The following ARHGAP26 variants were observed in gnomAD, a reference collection of about 807,000 sequenced individuals.
ARHGAP26 encodes the protein Rho GTPase activating protein 26.
A neutral mutation model predicts 104.8 loss-of-function variants in ARHGAP26; 38 were observed. That is an observed-to-expected ratio of 0.36 (90% CI 0.28 to 0.48). ARHGAP26 has a LOEUF of 0.48. ARHGAP26 is among the 20% of genes least tolerant of loss of function. ARHGAP26 has a pLI of 0.99. For missense variants in ARHGAP26, 704 were observed against 947.9 expected, an observed-to-expected ratio of 0.74 and a Z score of 3.38; for synonymous variants, 341 against 340.0, an observed-to-expected ratio of 1.00 and a Z score of -0.03.
At position 142,907,791 on chromosome 5, in the gene ARHGAP26, C is replaced by T; in HGVS notation, c.920C>T (p.Ser307Leu). 6.2e-7 allele frequency: 1 copy of T among 1,609,262 alleles called. No individual in the cohort carries two copies. The highest frequency in any genetic ancestry group is 8.5e-7 in the Non-Finnish European group (1 of 1,176,840). Reference sequence around the variant, plus strand: ...ACCATGGTACCATTTGACCAAAAGTCAGGAGGAAAAGGGGTGAGTTCATTT... The same window carrying T: ...ACCATGGTACCATTTGACCAAAAGTTAGGAGGAAAAGGGGTGAGTTCATTT... ...QITMVPFDQK[S>L]GGKGGEDESV... The change falls in exon 9 of 23, where the codon TCA (serine) becomes TTA (leucine). Residue 307 changes from serine (S) to leucine (L), a missense_variant. Coordinates refer to ENST00000645722, the MANE Select transcript of ARHGAP26 (RefSeq NM_001135608.3).
At chr5:142,775,225 T>C (rs1285063175) in intron 1 of ARHGAP26, among the ~76,000 whole-genome samples, 1 of 152,210 alleles carries the variant, frequency 6.6e-6, no homozygotes, top group Non-Finnish European at 1.5e-5. Context: ...TCACCAGCAA[T>C]GAATGAGAGT....
In ARHGAP26 at chr5:142,993,211, G is replaced by A. The variant is rs571397860; in HGVS notation, c.1108-20869G>A. Among the ~76,000 whole-genome samples the A allele has an allele frequency of 1.4e-3, 192 of 141,184 alleles. 1 individual carries two copies. The highest frequency in any genetic ancestry group is 4.6e-3 in the African/African-American group (177 of 38,066). The allele number at this position is 141,184 out of a possible 152,430, so 92.6% of individuals were successfully genotyped here. A position where few individuals can be genotyped will look rare whatever the true frequency, so the allele number is the denominator to read the frequency against. Reference sequence around the variant, plus strand: ...GGAGTCTCGCTCTGTCGCCCAGGCCGGACTGCGGACTGCAGTGGCGCAATC... The same window carrying A: ...GGAGTCTCGCTCTGTCGCCCAGGCCAGACTGCGGACTGCAGTGGCGCAATC... On this transcript the variant is annotated intron_variant, in intron 11 of 22. Coordinates refer to ENST00000645722, the MANE Select transcript of ARHGAP26 (RefSeq NM_001135608.3).
chr5:143,135,061 A>G (rs934067630), intron 19 of ARHGAP26, among the ~76,000 whole-genome samples: 9 of 152,236 alleles, frequency 5.9e-5, no homozygotes, highest in African/African-American at 2.2e-4. Flanking sequence ...TGAGTAAGGA[A>G]GGTAGACAAG....
At chr5:143,140,733 A>G (rs1599196883) in intron 19 of ARHGAP26, among the ~76,000 whole-genome samples, 1 of 138,606 alleles carries the variant, frequency 7.2e-6, no homozygotes, top group African/African-American at 2.6e-5. Context: ...CACATTGTAC[A>G]GTGTCGGTGG....
At chr5:142,812,705 T>C (rs1049497866) in intron 1 of ARHGAP26, among the ~76,000 whole-genome samples, 3 of 151,960 alleles carry the variant, frequency 2.0e-5, no homozygotes, top group African/African-American at 7.3e-5. Context: ...TCCAGCTAAT[T>C]AAAAAAAATT....
At chr5:143,104,315 G>C (rs918745228) in intron 17 of ARHGAP26, among the ~76,000 whole-genome samples, 1 of 152,094 alleles carries the variant, frequency 6.6e-6, no homozygotes, top group Non-Finnish European at 1.5e-5. Context: ...TTTGAGACCA[G>C]CCTGACCAAC....
At chr5:143,205,325 A>G (rs1411199198) in intron 20 of ARHGAP26, among the ~76,000 whole-genome samples, 2 of 152,062 alleles carry the variant, frequency 1.3e-5, no homozygotes, top group African/African-American at 4.8e-5. Context: ...CTGGATTAAG[A>G]AAAAAAAGCT....
chr5:143,147,425 A>C (rs1368829417), intron 20 of ARHGAP26, 44 bp downstream of exon 20: 2 of 1,586,942 alleles, frequency 1.3e-6, no homozygotes, highest in African/African-American at 2.7e-5. Flanking sequence ...GGCTTTGGTC[A>C]GCCATTCCAC....
At chr5:143,215,932 G>A (rs10062094) in intron 22 of ARHGAP26, among the ~76,000 whole-genome samples, 5,234 of 152,214 alleles carry the variant, frequency 0.034, 303 homozygotes, top group African/African-American at 0.12. Flanking sequence ...GTAGGTTTTT[G>A]TGAGGGCGTA....
intron 18 of ARHGAP26, among the ~76,000 whole-genome samples, chr5:143,122,816 C>G (rs949636775): frequency 6.6e-6 from 1 of 152,126 alleles, no homozygotes; most frequent in Admixed American, 6.6e-5. Context: ...TTATTTTTGG[C>G]TTGATGGCAT....
chr5:142,937,259 A>T (rs1216782398), intron 11 of ARHGAP26, among the ~76,000 whole-genome samples: 5 of 152,240 alleles, frequency 3.3e-5, no homozygotes, highest in Non-Finnish European at 7.3e-5. Context: ...ACACAAGGAG[A>T]CATTTTACCA....
Position 143,159,548 on chromosome 5 carries a change from C to T in ARHGAP26, c.1988+12167C>T, listed in dbSNP as rs114660918. Among the ~76,000 whole-genome samples the T allele has an allele frequency of 4.9e-3, 741 of 152,266 alleles. 3 individuals carry two copies. The highest frequency in any genetic ancestry group is 0.017 in the African/African-American group (694 of 41,542). On this transcript the variant is annotated intron_variant, in intron 20 of 22. Coordinates refer to ENST00000645722, the MANE Select transcript of ARHGAP26 (RefSeq NM_001135608.3). ...CAGCTGTGACTCTCAGTCCAGATGG[C>T]ACATCAGCACCACATGGGGAGCCTA...
Position 143,141,283 on chromosome 5 carries a change from T to A in ARHGAP26, c.1838-5948T>A, listed in dbSNP as rs565048286. Among the ~76,000 whole-genome samples, 18 of 152,372 alleles carry A rather than the reference T, an allele frequency of 1.2e-4. No individual in the cohort carries two copies. The South Asian group carries it at 3.5e-3, about 30-fold the overall frequency. On this transcript the variant is annotated intron_variant, in intron 19 of 22. Coordinates refer to ENST00000645722, the MANE Select transcript of ARHGAP26 (RefSeq NM_001135608.3). ...AAAACAAGCCATTCTAGGCGCATAC[T>A]TTTGGCACTATCACCAAGTGAACAA...
At chr5:143,134,194 C>G in intron 19 of ARHGAP26, 89 bp downstream of exon 19, 1 of 1,411,204 alleles carries the variant, frequency 7.1e-7, no homozygotes, top group Non-Finnish European at 9.4e-7. Context: ...CAGCTTTTCT[C>G]TGTGTGCTAC....
intron 1 of ARHGAP26, among the ~76,000 whole-genome samples, chr5:142,811,751 A>G (rs1016135826): frequency 6.6e-6 from 1 of 152,214 alleles, no homozygotes; most frequent in Non-Finnish European, 1.5e-5. Flanking sequence ...GCGTGCAGCT[A>G]TTACTTAATA....
intron 1 of ARHGAP26, among the ~76,000 whole-genome samples, chr5:142,772,370 TG>T (rs912454347): frequency 2.6e-5 from 4 of 152,192 alleles, no homozygotes; most frequent in African/African-American, 9.7e-5. Context: ...GTTTAGGGGA[TG>T]GGGGTCCCTG....
At chr5:142,771,208 G>T (rs950681288) in intron 1 of ARHGAP26, 2 of 1,278,842 alleles carry the variant, frequency 1.6e-6, no homozygotes, top group Non-Finnish European at 2.0e-6. Context: ...CGGCACGCAG[G>T]TGTCCCAGCA....
intron 10 of ARHGAP26, among the ~76,000 whole-genome samples, chr5:142,919,903 A>C (rs2152501517): frequency 6.6e-6 from 1 of 152,264 alleles, no homozygotes; most frequent in East Asian, 1.9e-4. Flanking sequence ...CAGGAGGCTG[A>C]GGCAGAAGAA....
chr5:142,946,425 A>G (rs1357912141), intron 11 of ARHGAP26: 1 of 152,116 alleles, frequency 6.6e-6, no homozygotes, highest in Non-Finnish European at 1.5e-5. Context: ...AGTGGAGATT[A>G]TGGTTGGATT....
Sources: gnomAD v4.1 joint callset for allele counts (sites outside exome capture counted in the v4.1 genomes callset) on GRCh38, gnomAD v4.1.1 for gene constraint, MANE v1.5 for transcripts, NCBI Gene and HGNC (gene_info 2026-07-23, HGNC 2026-07-21) for gene names.